Variants in CSMD1 observed in about 807,000 individuals in gnomAD.
CSMD1 encodes the protein CUB and sushi domain-containing protein 1.
Under a neutral mutation model 417.5 loss-of-function variants are expected in CSMD1, and 213 were observed. The observed-to-expected ratio is 0.51, with a 90% CI of 0.46 to 0.57. CSMD1 has a LOEUF of 0.57. CSMD1 is among the 20% of genes least tolerant of loss of function. The probability of loss-of-function intolerance (pLI) is 0.00; values close to 1 mark genes in which losing one functional copy is unlikely to be tolerated. For missense variants in CSMD1, 6,923 were observed against 4,529.7 expected (o/e 1.53, Z -15.17); for synonymous variants, 2,862 against 1,736.8 (o/e 1.65, Z -16.11).
intron 4 of CSMD1, among the ~76,000 whole-genome samples, chr8:4,016,351 G>C (rs1031287537): frequency 2.0e-5 from 3 of 152,138 alleles, no homozygotes; most frequent in Non-Finnish European, 4.4e-5. Context: ...CAGACATTTT[G>C]CAATCTCCTC....
At chr8:4,626,158 A>G (rs1432549110) in intron 2 of CSMD1, among the ~76,000 whole-genome samples, 1 of 152,162 alleles carries the variant, frequency 6.6e-6, no homozygotes, top group African/African-American at 2.4e-5. Context: ...AAGCTATTTT[A>G]GGAAGTTTTC....
At chr8:4,280,424 C>T (rs934943292) in intron 3 of CSMD1, among the ~76,000 whole-genome samples, 2 of 152,092 alleles carry the variant, frequency 1.3e-5, no homozygotes, top group Non-Finnish European at 2.9e-5. Flanking sequence ...ATTTTAGTAC[C>T]GAAATGTGCG....
At chr8:3,208,108 T>A (rs1196816376) in intron 30 of CSMD1, among the ~76,000 whole-genome samples, 4 of 152,188 alleles carry the variant, frequency 2.6e-5, no homozygotes, top group Non-Finnish European at 5.9e-5. Context: ...GAAAATATAT[T>A]TTATTTGCGC....
chr8:3,586,733 T>C (rs1800618198), intron 8 of CSMD1, among the ~76,000 whole-genome samples: 1 of 152,178 alleles, frequency 6.6e-6, no homozygotes, highest in South Asian at 2.1e-4. Context: ...TTAATTATAT[T>C]TAAAAGAAAG....
chr8:4,252,400 C>G (rs533012560), intron 3 of CSMD1, among the ~76,000 whole-genome samples: 1 of 152,074 alleles, frequency 6.6e-6, no homozygotes, highest in Non-Finnish European at 1.5e-5. Flanking sequence ...TTCCAGTGAT[C>G]AAAACAAAAA....
intron 1 of CSMD1, among the ~76,000 whole-genome samples, chr8:4,878,782 T>C (rs1803208213): frequency 6.6e-6 from 1 of 151,422 alleles, no homozygotes; most frequent in African/African-American, 2.4e-5. Context: ...AGATTATAGT[T>C]TGAGTTTATC....
At chr8:4,178,243 G>C (rs1798166209) in intron 3 of CSMD1, among the ~76,000 whole-genome samples, 1 of 152,014 alleles carries the variant, frequency 6.6e-6, no homozygotes, top group African/African-American at 2.4e-5. Context: ...TCATCAAGTG[G>C]GCTTCATCCC....
chr8:3,972,736 G>C (rs932083526), intron 5 of CSMD1, among the ~76,000 whole-genome samples: 5 of 152,142 alleles, frequency 3.3e-5, no homozygotes, highest in African/African-American at 7.2e-5. Flanking sequence ...TAAACACACA[G>C]CACCAGCTAA....
chr8:4,152,027 T>C (rs1796595663), intron 3 of CSMD1, among the ~76,000 whole-genome samples: 1 of 152,156 alleles, frequency 6.6e-6, no homozygotes. Context: ...TGTGTTTAGC[T>C]CGATACCTTC....
chr8:3,510,335 C>A (rs534633416), intron 10 of CSMD1, among the ~76,000 whole-genome samples: 7 of 151,772 alleles, frequency 4.6e-5, no homozygotes, highest in African/African-American at 1.5e-4. Context: ...AAGAGCAACA[C>A]AGCCGGAGCT....
intron 3 of CSMD1, among the ~76,000 whole-genome samples, chr8:4,307,287 T>C (rs1366495069): frequency 9.9e-5 from 15 of 152,228 alleles, no homozygotes; most frequent in Admixed American, 6.5e-5. Context: ...CTCTCACATA[T>C]ATATATTAAT....
intron 5 of CSMD1, among the ~76,000 whole-genome samples, chr8:3,868,300 GGA>G (rs1220478742): frequency 6.6e-6 from 1 of 152,054 alleles, no homozygotes; most frequent in Non-Finnish European, 1.5e-5. Flanking sequence ...CCTGCTTGCA[GGA>G]GAGATTTCAT....
chr8:4,951,600 CT>C (rs1808753910), intron 1 of CSMD1, among the ~76,000 whole-genome samples: 2 of 150,000 alleles, frequency 1.3e-5, no homozygotes, highest in Non-Finnish European at 3.0e-5. Context: ...AAAGAAAAAC[CT>C]GCGGGGTTTT....
At chr8:4,384,285 G>C (rs191261319) in intron 3 of CSMD1, among the ~76,000 whole-genome samples, 1 of 152,058 alleles carries the variant, frequency 6.6e-6, no homozygotes, top group East Asian at 1.9e-4. Context: ...TAAAGCCTTA[G>C]CCAATTAAGA....
intron 2 of CSMD1, among the ~76,000 whole-genome samples, chr8:4,618,751 T>C (rs1372436210): frequency 6.6e-6 from 1 of 152,160 alleles, no homozygotes; most frequent in Admixed American, 6.6e-5. Context: ...AGTAAAAATG[T>C]TGCCACCTTT....
intron 7 of CSMD1, among the ~76,000 whole-genome samples, chr8:3,666,334 T>G (rs1439949506): frequency 6.6e-6 from 1 of 152,236 alleles, no homozygotes; most frequent in Non-Finnish European, 1.5e-5. Flanking sequence ...GCAACTTAAA[T>G]GATATAAACG....
chr8:4,002,155 C>A (rs897324655), intron 4 of CSMD1, among the ~76,000 whole-genome samples: 2 of 151,984 alleles, frequency 1.3e-5, no homozygotes, highest in South Asian at 4.1e-4. Flanking sequence ...GCTTAAATCA[C>A]AGAAAATCTT....
chr8:3,887,441 T>C (rs953972055), intron 5 of CSMD1, among the ~76,000 whole-genome samples: 1 of 152,188 alleles, frequency 6.6e-6, no homozygotes, highest in Admixed American at 6.6e-5. Context: ...ATAGACCCTA[T>C]CCATGAAAGT....
At chr8:3,429,764 T>C (rs1048799056) in intron 12 of CSMD1, among the ~76,000 whole-genome samples, 1 of 152,164 alleles carries the variant, frequency 6.6e-6, no homozygotes, top group Non-Finnish European at 1.5e-5. Context: ...AAGTCTATGG[T>C]TGTTGTTTTC....
Sources: allele counts gnomAD v4.1 joint callset (sites outside exome capture counted in the v4.1 genomes callset), GRCh38; gene constraint gnomAD v4.1.1; transcripts MANE v1.5; gene names NCBI Gene and HGNC (gene_info 2026-07-23, HGNC 2026-07-21).